Variants in GDPD2 observed in about 807,000 individuals in gnomAD.
GDPD2 encodes the protein glycerophosphodiester phosphodiesterase 3.
In GDPD2, 23 loss-of-function variants were observed where a neutral mutation model predicts 49.2. That is an observed-to-expected ratio of 0.47 (90% CI 0.34 to 0.66). The LOEUF is 0.66. Ranked by LOEUF, GDPD2 falls within the 30% of genes least tolerant of loss-of-function variation. GDPD2 has a pLI of 0.01. For missense variants in GDPD2, 338 were observed against 424.7 expected, an observed-to-expected ratio of 0.80 and a Z score of 1.79; for synonymous variants, 167 against 171.4, an observed-to-expected ratio of 0.97 and a Z score of 0.20.
Position 70,427,213 on chromosome X carries a change from T to C in GDPD2, c.779T>C (p.Met260Thr). 3.3e-6 allele frequency: 4 copies of C among 1,201,961 alleles called. No homozygotes were observed. The highest frequency in any genetic ancestry group is 4.5e-6 in the Non-Finnish European group (4 of 886,869). ...CGATVFETDV[M>T]VSSDGVPFLM... ...GCTACTGTGTTTGAGACTGATGTGA[T>C]GGTCAGGTGAGGGAAGCTGGGGCTT... Residue 260 changes from methionine to threonine, a missense_variant, in exon 9 of 16, where the codon ATG (methionine) becomes ACG (threonine). Physicochemically the swap from Met to Thr is moderately conservative, Grantham distance 81. Coordinates refer to ENST00000374382, the MANE Select transcript of GDPD2 (RefSeq NM_017711.4).
chrX:70,427,389 C>T lies in GDPD2; in HGVS notation c.862C>T (p.Arg288Ter). The T allele has an allele frequency of 1.7e-6, 2 of 1,206,978 alleles. No homozygotes were observed. The highest frequency in any genetic ancestry group is 1.1e-6 in the Non-Finnish European group (1 of 891,314). Reference sequence around the variant, plus strand: ...GAATGTAGCCTCTGTATTCCCAACCCGAATCACAGCCCACAGCAGTGACTT... The same window carrying T: ...GAATGTAGCCTCTGTATTCCCAACCTGAATCACAGCCCACAGCAGTGACTT... ...TTNVASVFPT[R>*]ITAHSSDFSW... The change falls in exon 10 of 16, where the codon CGA becomes TGA. Residue 288 changes from arginine (R) to a stop codon, truncating the protein, a stop_gained. Coordinates refer to ENST00000374382, the MANE Select transcript of GDPD2 (RefSeq NM_017711.4). LOFTEE classifies it high-confidence loss of function.
chrX:70,431,086 C>T (rs1370239589), intron 12 of GDPD2: 22 of 1,139,507 alleles, frequency 1.9e-5, no homozygotes, highest in Non-Finnish European at 2.3e-5. Flanking sequence ...CTGCCCCCCT[C>T]AGCCTCCCGG....
At chrX:70,427,886 C>G (rs1179440111) in intron 10 of GDPD2, 1 of 117,870 alleles carries the variant, frequency 8.5e-6, no homozygotes, top group Non-Finnish European at 1.8e-5. Flanking sequence ...GCTCCGAATG[C>G]CTGGCCCAGA....
chrX:70,425,832 G>A lies in GDPD2; in HGVS notation c.279G>A (p.Leu93=). Residue 93 remains leucine (L), a synonymous_variant, in exon 4 of 16, where the codon CTG becomes CTA. Transcript: ENST00000374382. Reference sequence around the variant, plus strand: ...CATTCCTGCTGGTCATCTCTCTACTGGTCACATATGCATCCTTGCTATTGG... The same window carrying A: ...CATTCCTGCTGGTCATCTCTCTACTAGTCACATATGCATCCTTGCTATTGG... ...SLAFLLVISL[L]VTYASLLLVL... The A allele has an allele frequency of 8.5e-7, 1 of 1,170,592 alleles. No individual in the cohort carries two copies. Among genetic ancestry groups the A allele is most frequent in the Non-Finnish European group, 1.2e-6 (1 of 858,288 alleles).
At chrX:70,430,970 T>G in intron 12 of GDPD2, 1 of 433,211 alleles carries the variant, frequency 2.3e-6, no homozygotes, top group Non-Finnish European at 4.0e-6. Flanking sequence ...TTTTTTTTTT[T>G]TAGAGACAGG....
chrX:70,426,300 G>T, intron 5 of GDPD2, 71 bp from the exon 6 acceptor site: 1 of 940,449 alleles, frequency 1.1e-6, no homozygotes, highest in Admixed American at 2.4e-5. Flanking sequence ...CATCTCTATA[G>T]AGTGAAGGAG....
chrX:70,426,058 G>A lies in GDPD2; in HGVS notation c.310G>A (p.Ala104Thr). Residue 104 changes from alanine to threonine, a missense_variant, in exon 5 of 16, where the codon GCC becomes ACC. By Grantham distance (58) the Ala-to-Thr change is moderately conservative. This residue lies in a region of GDPD2 where 10 missense variants were observed against 26.7 expected (regional missense o/e 0.37). Transcript: ENST00000374382. Reference protein sequence around the residue: ...VTYASLLLVLALLLRLCRQPL... With the variant: ...VTYASLLLVLTLLLRLCRQPL... ...CACTGCTCTCTTCCTCTAGGTCCTG[G>A]CCCTGCTCCTGCGGCTTTGTAGACA... 8.3e-7 allele frequency: 1 copy of A among 1,207,346 alleles called. No homozygotes were observed. The highest frequency in any genetic ancestry group is 1.1e-6 in the Non-Finnish European group (1 of 891,419).
intron 1 of GDPD2, among the ~76,000 whole-genome samples, chrX:70,424,031 C>T (rs2086400557): frequency 8.9e-6 from 1 of 111,795 alleles, no homozygotes; most frequent in Non-Finnish European, 1.9e-5. Context: ...TACCGTCTCG[C>T]GTAGAATCAG....
At chrX:70,431,449 G>C (rs1241481776) in intron 12 of GDPD2, among the ~76,000 whole-genome samples, 1 of 113,073 alleles carries the variant, frequency 8.8e-6, no homozygotes, top group East Asian at 2.8e-4. Context: ...GTGTGAAAAA[G>C]ACCAGGGCTT....
intron 13 of GDPD2, 37 bp from the exon 14 acceptor site, chrX:70,432,542 G>A: frequency 8.6e-7 from 1 of 1,161,440 alleles, no homozygotes. Context: ...TATTTCCCCT[G>A]ACATTCTACC....
At chrX:70,432,156 A>T (rs1284392424) in intron 12 of GDPD2, 151 bp from the exon 13 acceptor site, 25 of 489,707 alleles carry the variant, frequency 5.1e-5, no homozygotes, top group Non-Finnish European at 2.5e-5. Flanking sequence ...ATGAAAGGAA[A>T]ATCATTGTTG....
In GDPD2 at chrX:70,429,638, A is replaced by G. The variant is rs2086457307; in HGVS notation, c.1082A>G (p.Gln361Arg). ...SIMFDLRRPP[Q>R]NHTYYDTFVI... The stretch of plus-strand genomic sequence containing the variant: ...ATGTTCGACTTGCGCCGACCCCCAC[A>G]GAACCACACATACTATGACACTTTT... Residue 361 changes from glutamine (Q) to arginine (R), a missense_variant, in exon 11 of 16, where the codon CAG (glutamine) becomes CGG (arginine). Coordinates refer to ENST00000374382, the MANE Select transcript of GDPD2 (RefSeq NM_017711.4). The G allele has an allele frequency of 1.8e-5, 22 of 1,210,397 alleles. No individual in the cohort carries two copies. The highest frequency in any genetic ancestry group is 2.3e-5 in the Non-Finnish European group (21 of 894,518).
intron 14 of GDPD2, 55 bp from the exon 15 acceptor site, chrX:70,432,857 G>A: frequency 9.9e-7 from 1 of 1,008,837 alleles, no homozygotes; most frequent in Non-Finnish European, 1.4e-6. Flanking sequence ...GTGGGGGCTG[G>A]AAGGGCCTGC....
chrX:70,430,837 C>T (rs1411961559), intron 12 of GDPD2: 1 of 301,139 alleles, frequency 3.3e-6, no homozygotes, highest in Non-Finnish European at 5.7e-6. Flanking sequence ...GAGTCTCACT[C>T]TGTCACCAAG....
chrX:70,432,429 A>G lies in GDPD2; in HGVS notation c.1430A>G (p.Gln477Arg). 3 of 1,210,979 alleles carry G rather than the reference A, an allele frequency of 2.5e-6. No homozygotes were observed. Among genetic ancestry groups the G allele is most frequent in the Non-Finnish European group, 3.4e-6 (3 of 894,723 alleles). Residue 477 changes from glutamine to arginine, a missense_variant, in exon 13 of 16, where the codon CAG becomes CGG. Coordinates refer to ENST00000374382, the MANE Select transcript of GDPD2 (RefSeq NM_017711.4). ...VTTNDCQLLQ[Q>R]MRYPIWLITP... ...ACCAACGACTGCCAGCTGCTGCAGC[A>G]GATGCGTTACCCTATCTGGCTTATT...
intron 15 of GDPD2, 22 bp from the exon 16 acceptor site, chrX:70,433,012 C>T (rs1184853566): frequency 8.4e-7 from 1 of 1,183,516 alleles, no homozygotes; most frequent in East Asian, 3.0e-5. Context: ...CCTAGATGAC[C>T]CACCCTCCCC....
In GDPD2 at chrX:70,426,482, C is replaced by A. The variant is rs762713063; in HGVS notation, c.462+13C>A. 2.6e-5 allele frequency: 31 copies of A among 1,181,130 alleles called. No homozygotes were observed. The highest frequency in any genetic ancestry group is 3.5e-5 in the Non-Finnish European group (30 of 868,841). ...TGTGTCACTGCAGGTGAGTGGCCAACCTCCAGTGTCTAGACGGGAGCCTTG... is the reference window on the plus strand; with the variant it reads ...TGTGTCACTGCAGGTGAGTGGCCAAACTCCAGTGTCTAGACGGGAGCCTTG... On this transcript the variant is annotated intron_variant, in intron 6 of 15. Coordinates refer to ENST00000374382, the MANE Select transcript of GDPD2 (RefSeq NM_017711.4).
chrX:70,427,317 G>A lies in GDPD2; in HGVS notation c.790G>A (p.Asp264Asn). 8.3e-7 allele frequency: 1 copy of A among 1,210,839 alleles called. No homozygotes were observed. The highest frequency in any genetic ancestry group is 3.0e-5 in the East Asian group (1 of 33,820). Residue 264 changes from aspartate (D) to asparagine (N), a missense_variant, in exon 10 of 16, where the codon GAT becomes AAT. Transcript: ENST00000374382. ...TGACACCCCTTGTGCCCTCAGCTCC[G>A]ATGGGGTCCCCTTCCTCATGCATGA... is the stretch of plus-strand genomic sequence containing the variant. ...VFETDVMVSSDGVPFLMHDEH... is the reference protein window; with the variant it reads ...VFETDVMVSSNGVPFLMHDEH...
intron 2 of GDPD2, 37 bp from the exon 3 acceptor site, chrX:70,425,317 G>C (rs1569258649): frequency 5.3e-6 from 5 of 951,413 alleles, no homozygotes; most frequent in Non-Finnish European, 7.6e-6. Flanking sequence ...GTTTGAAGTA[G>C]GTATTGGTTG....
Sources: allele counts gnomAD v4.1 joint callset (sites outside exome capture counted in the v4.1 genomes callset), GRCh38; gene constraint gnomAD v4.1.1; regional missense constraint gnomAD v4.1.1; transcripts MANE v1.5; gene names NCBI Gene and HGNC (gene_info 2026-07-23, HGNC 2026-07-21).